PDLIM1: variants seen among roughly 807,000 people sequenced by gnomAD.
PDLIM1 encodes PDZ and LIM domain protein 1.
A neutral mutation model predicts 35.2 loss-of-function variants in PDLIM1; 25 were observed. That is an observed-to-expected ratio of 0.71 (90% CI 0.52 to 0.99). PDLIM1 has a LOEUF of 0.99. Ranked by LOEUF, PDLIM1 falls within the 50% of genes least tolerant of loss-of-function variation. The probability of loss-of-function intolerance (pLI) is 0.00; values close to 1 mark genes in which losing one functional copy is unlikely to be tolerated. For missense variants in PDLIM1, 363 were observed against 415.3 expected (o/e 0.87, Z 1.09); for synonymous variants, 152 against 154.0 (o/e 0.99, Z 0.10).
chr10:95,273,421 G>GC (rs1412695199), intron 1 of PDLIM1: 1 of 152,172 alleles, frequency 6.6e-6, no homozygotes, highest in Admixed American at 6.5e-5. Context: ...TTTCCGATTA[G>GC]CCCTCAGCGC....
intron 1 of PDLIM1, among the ~76,000 whole-genome samples, chr10:95,279,110 AG>A (rs2035539116): frequency 6.6e-6 from 1 of 152,160 alleles, no homozygotes; most frequent in Non-Finnish European, 1.5e-5. Flanking sequence ...CTAGATTCGC[AG>A]CTTCTTTAGA....
At chr10:95,278,496 A>T (rs45530140) in intron 1 of PDLIM1, among the ~76,000 whole-genome samples, 10,757 of 152,144 alleles carry the variant, frequency 0.071, 486 homozygotes, top group Middle Eastern at 0.24. Context: ...TTGTGCTAGA[A>T]CCAACAAGGT....
chr10:95,276,686 A>T (rs1158423234), intron 1 of PDLIM1, among the ~76,000 whole-genome samples: 1 of 152,164 alleles, frequency 6.6e-6, no homozygotes, highest in Non-Finnish European at 1.5e-5. Context: ...GCTACCAGAC[A>T]GGCAATGTTA....
At chr10:95,284,157 T>G (rs767878799) in intron 1 of PDLIM1, among the ~76,000 whole-genome samples, 37 of 152,216 alleles carry the variant, frequency 2.4e-4, no homozygotes, top group Non-Finnish European at 1.2e-4. Context: ...CTATTATGAA[T>G]AGTGTTGCTT....
In PDLIM1 at chr10:95,290,942, GCGGGGACAGACGGGCA is replaced by G. The variant is rs2035648561; in HGVS notation, c.-43_-28del. 6.9e-7 allele frequency: 1 copy of G among 1,458,996 alleles called. No individual in the cohort carries two copies. The highest frequency in any genetic ancestry group is 2.0e-5 in the Admixed American group (1 of 51,066). 90.4% of individuals were successfully genotyped at this position (1,458,996 alleles called of 1,614,324 possible). On this transcript the variant is annotated 5_prime_UTR_variant, in exon 1 of 7. Coordinates refer to ENST00000329399, the MANE Select transcript of PDLIM1 (RefSeq NM_020992.4). The surrounding 1 kb of genome is among the most constrained non-coding windows in gnomAD (Gnocchi z 4.7). ...GCGCGGCTGTGGCGGGCGACGACCC[GCGGGGACAGACGGGCA>G]GGACGCGCGGAACAGCTTGCAGGGC... is the stretch of plus-strand genomic sequence containing the variant.
At position 95,271,754 on chromosome 10, in the gene PDLIM1, T is replaced by G. The variant is rs774773224; in HGVS notation, c.127A>C (p.Asn43His). 6.2e-7 allele frequency: 1 copy of G among 1,611,900 alleles called. No homozygotes were observed. Among genetic ancestry groups the G allele is most frequent in the Non-Finnish European group, 8.5e-7 (1 of 1,179,394 alleles). The change falls in exon 2 of 7, where the codon AAT becomes CAT. Residue 43 changes from asparagine to histidine, a missense_variant. Coordinates refer to ENST00000329399, the MANE Select transcript of PDLIM1 (RefSeq NM_020992.4). ...GTGATTACATCTCCAATACATAAAT[T>G]AGCTAGAGCCGCCTTGCTTCCAGGA... is the stretch of plus-strand genomic sequence containing the variant. Reference protein sequence around the residue: ...VTPGSKAALANLCIGDVITAI... With the variant: ...VTPGSKAALAHLCIGDVITAI...
intron 4 of PDLIM1, among the ~76,000 whole-genome samples, chr10:95,262,008 CAAAA>C (rs11344355): frequency 8.3e-6 from 1 of 120,008 alleles, no homozygotes. Context: ...AACTCCGTCT[CAAAA>C]AAAAAAAAAA....
At position 95,290,723 on chromosome 10, in the gene PDLIM1, G is replaced by T. The variant is rs1432269985; in HGVS notation, c.96+97C>A. On this transcript the variant is annotated intron_variant, in intron 1 of 6. Transcript: ENST00000329399. This position sits in a 1 kb window ranked among gnomAD's most constrained non-coding sequence, Gnocchi z 4.7. ...GCGCACCTGGACGCGCCCGGCTGCGGTTCCGACTCCGTCCCCGACCGCGCC... is the reference window on the plus strand; with the variant it reads ...GCGCACCTGGACGCGCCCGGCTGCGTTTCCGACTCCGTCCCCGACCGCGCC... The T allele has an allele frequency of 2.7e-6, 2 of 746,932 alleles. No homozygotes were observed. The highest frequency in any genetic ancestry group is 4.0e-6 in the Non-Finnish European group (2 of 495,936). The allele number at this position is 746,932 out of a possible 1,614,324, so 46.3% of individuals were successfully genotyped here.
At position 95,277,899 on chromosome 10, in the gene PDLIM1, GGT is replaced by G. The variant is rs2035526743; in HGVS notation, c.97-6117_97-6116del. ...TTGAAGTTTAACTGCACTTCTAACTGGTGTAAATAAAATCGGATGATGATGTA... is the reference window on the plus strand; with the variant it reads ...TTGAAGTTTAACTGCACTTCTAACTGGTAAATAAAATCGGATGATGATGTA... On this transcript the variant is annotated intron_variant, in intron 1 of 6. Coordinates refer to ENST00000329399, the MANE Select transcript of PDLIM1 (RefSeq NM_020992.4). 2.0e-5 allele frequency among the ~76,000 whole-genome samples: 3 copies of G among 152,296 alleles called. No homozygotes were observed. The East Asian group carries it at 5.8e-4, about 29-fold the overall frequency.
At chr10:95,265,877 G>C (rs1033267678) in intron 3 of PDLIM1, among the ~76,000 whole-genome samples, 1 of 152,108 alleles carries the variant, frequency 6.6e-6, no homozygotes. Context: ...CATCAGCCTG[G>C]GTGACAGAGC....
intron 6 of PDLIM1, among the ~76,000 whole-genome samples, chr10:95,238,363 G>A (rs1475193277): frequency 6.6e-6 from 1 of 152,110 alleles, no homozygotes; most frequent in East Asian, 1.9e-4. Context: ...CATTTTACAT[G>A]TTCATAACCT....
intron 5 of PDLIM1, among the ~76,000 whole-genome samples, chr10:95,241,425 T>C (rs935734607): frequency 5.3e-5 from 8 of 152,166 alleles, no homozygotes; most frequent in Admixed American, 5.2e-4. Context: ...TCTCTTGCCA[T>C]GCTTACCTCC....
At chr10:95,261,274 C>A (rs2035360260) in intron 4 of PDLIM1, among the ~76,000 whole-genome samples, 1 of 152,196 alleles carries the variant, frequency 6.6e-6, no homozygotes, top group Non-Finnish European at 1.5e-5. Flanking sequence ...TGCATAGCAG[C>A]TCTTTCAATT....
At chr10:95,268,525 C>T (rs185888119) in intron 3 of PDLIM1, among the ~76,000 whole-genome samples, 71 of 152,336 alleles carry the variant, frequency 4.7e-4, no homozygotes, top group African/African-American at 1.7e-3. Context: ...AGGCTTCCAC[C>T]GGCTTCCCTT....
chr10:95,271,165 G>A lies in PDLIM1; in HGVS notation c.248+468C>T, dbSNP rs45573933. On this transcript the variant is annotated intron_variant, in intron 2 of 6. Coordinates refer to ENST00000329399, the MANE Select transcript of PDLIM1 (RefSeq NM_020992.4). ...TGAAAATCAGAGGGGGGCTGGGCAC[G>A]GTGGCTCACACCTGTAATCCTAGCA... is the stretch of plus-strand genomic sequence containing the variant. 6.1e-3 allele frequency among the ~76,000 whole-genome samples: 923 copies of A among 151,812 alleles called. 11 individuals carry two copies. Among genetic ancestry groups the A allele is most frequent in the African/African-American group, 0.021 (856 of 41,398 alleles).
intron 5 of PDLIM1, among the ~76,000 whole-genome samples, chr10:95,243,796 C>T (rs2035197237): frequency 6.6e-6 from 1 of 152,084 alleles, no homozygotes; most frequent in Non-Finnish European, 1.5e-5. Flanking sequence ...GAATTTCTGA[C>T]ACATGCTACA....
At chr10:95,266,141 G>A (rs891047288) in intron 3 of PDLIM1, among the ~76,000 whole-genome samples, 1 of 150,580 alleles carries the variant, frequency 6.6e-6, no homozygotes, top group Admixed American at 6.6e-5. Flanking sequence ...AGGTTGCAGT[G>A]AGCCAAGACT....
intron 5 of PDLIM1, among the ~76,000 whole-genome samples, chr10:95,243,433 G>T (rs1234154179): frequency 6.6e-6 from 1 of 152,114 alleles, no homozygotes; most frequent in Non-Finnish European, 1.5e-5. Context: ...ATAAACCACA[G>T]CTGTTTTTCT....
intron 4 of PDLIM1, among the ~76,000 whole-genome samples, chr10:95,251,045 G>A (rs2035263447): frequency 6.6e-6 from 1 of 152,124 alleles, no homozygotes; most frequent in South Asian, 2.1e-4. Context: ...TTTGGAGGCT[G>A]AGCCTGCAGA....
Sources: gnomAD v4.1 joint callset for allele counts (sites outside exome capture counted in the v4.1 genomes callset) on GRCh38, gnomAD v4.1.1 for gene constraint, Gnocchi (gnomAD v3.1) non-coding constraint, MANE v1.5 for transcripts, NCBI Gene and HGNC (gene_info 2026-07-23, HGNC 2026-07-21) for gene names.